The following GOLM2 variants were observed in gnomAD, a reference collection of about 807,000 sequenced individuals.
GOLM2 encodes the protein protein GOLM2.
In GOLM2, 26 loss-of-function variants were observed where a neutral mutation model predicts 55.9. The ratio of observed to expected loss-of-function variants is 0.47; its 90% CI spans 0.34 to 0.65. The LOEUF is 0.65. GOLM2 is among the 30% of genes least tolerant of loss of function. The pLI, the probability that GOLM2 is intolerant of heterozygous loss-of-function variation, is 0.01. For missense variants in GOLM2, 486 were observed against 531.8 expected (o/e 0.91, Z 0.85); for synonymous variants, 165 against 194.6 (o/e 0.85, Z 1.27).
intron 6 of GOLM2, among the ~76,000 whole-genome samples, chr15:44,359,946 C>G (rs2079225498): frequency 6.6e-6 from 1 of 151,424 alleles, no homozygotes; most frequent in African/African-American, 2.4e-5. Flanking sequence ...CATATCCAGC[C>G]AAACTAAGCT....
At position 44,413,942 on chromosome 15, in the gene GOLM2, C is replaced by T. The variant is rs1363404847; in HGVS notation, c.*536C>T. On this transcript the variant is annotated 3_prime_UTR_variant, in exon 10 of 10. Transcript: ENST00000299957. ...TTTCCTGCCTCAGCCTCCCAAGTAG[C>T]TGGGATTACAGGCACCCACCACCAT... 6.6e-6 allele frequency: 1 copy of T among 152,074 alleles called. No homozygotes were observed. Among genetic ancestry groups the T allele is most frequent in the East Asian group, 1.9e-4 (1 of 5,204 alleles). The allele number at this position is 152,074 out of a possible 1,614,324, so 9.4% of individuals were successfully genotyped here.
Position 44,342,357 on chromosome 15 carries a change from T to TC in GOLM2, c.802+4040_802+4041insC, listed in dbSNP as rs2079095756. ...ATGGCTCACTGCAGCCTTGACCTCC[T>TC]GGGCTCAAGTGGTACTCCCACATCG... is the stretch of plus-strand genomic sequence containing the variant. On this transcript the variant is annotated intron_variant, in intron 6 of 9. Transcript: ENST00000299957. Among the ~76,000 whole-genome samples, 12 of 152,048 alleles carry TC rather than the reference T, an allele frequency of 7.9e-5. No homozygotes were observed. In the South Asian group the frequency reaches 2.5e-3, roughly 32 times the overall value.
chr15:44,395,396 G>A (rs1389804629), intron 8 of GOLM2, among the ~76,000 whole-genome samples: 1 of 151,828 alleles, frequency 6.6e-6, no homozygotes, highest in Non-Finnish European at 1.5e-5. Context: ...ACTCATCTTG[G>A]TGTTTCCTTT....
At chr15:44,331,383 C>T (rs2079021352) in intron 3 of GOLM2, among the ~76,000 whole-genome samples, 1 of 152,168 alleles carries the variant, frequency 6.6e-6, no homozygotes. Flanking sequence ...TGTGTGTTAA[C>T]TGTTTCTTTT....
At chr15:44,410,080 G>A (rs2079627122) in intron 9 of GOLM2, among the ~76,000 whole-genome samples, 1 of 152,062 alleles carries the variant, frequency 6.6e-6, no homozygotes. Context: ...CATAAGGTGA[G>A]GTTCTATAAT....
chr15:44,340,367 C>T (rs2079083458), intron 6 of GOLM2, among the ~76,000 whole-genome samples: 1 of 151,988 alleles, frequency 6.6e-6, no homozygotes, highest in Non-Finnish European at 1.5e-5. Flanking sequence ...CTCCTAGGCT[C>T]AAGCCATCCT....
In GOLM2 at chr15:44,413,460, A is replaced by C. The variant is rs533671258; in HGVS notation, c.*54A>C. The C allele has an allele frequency of 7.7e-7, 1 of 1,299,430 alleles. No homozygotes were observed. Among genetic ancestry groups the C allele is most frequent in the African/African-American group, 1.5e-5 (1 of 67,972 alleles). The allele number at this position is 1,299,430 out of a possible 1,614,324, so 80.5% of individuals were successfully genotyped here. On this transcript the variant is annotated 3_prime_UTR_variant, in exon 10 of 10. Coordinates refer to ENST00000299957, the MANE Select transcript of GOLM2 (RefSeq NM_138423.4). ...AAGTGCTGTAAAATGAAATCATTCT[A>C]CTTTGTCCTTTCTGACTTTTGTTGT...
At chr15:44,322,366 A>G (rs1274997512) in intron 1 of GOLM2, among the ~76,000 whole-genome samples, 2 of 152,198 alleles carry the variant, frequency 1.3e-5, no homozygotes, top group Non-Finnish European at 2.9e-5. Context: ...GACTCAGTAT[A>G]AAAAAACAAA....
intron 1 of GOLM2, among the ~76,000 whole-genome samples, chr15:44,302,972 G>A (rs906980952): frequency 1.3e-5 from 2 of 151,994 alleles, no homozygotes; most frequent in Non-Finnish European, 1.5e-5. Context: ...GCGTAGTGGC[G>A]GACGCCTGTA....
chr15:44,313,212 C>T (rs1258427670), intron 1 of GOLM2, among the ~76,000 whole-genome samples: 2 of 152,144 alleles, frequency 1.3e-5, no homozygotes, highest in African/African-American at 2.4e-5. Context: ...TTGTGCCACT[C>T]ACTGCACTCC....
chr15:44,314,531 T>C (rs1331331047), intron 1 of GOLM2, among the ~76,000 whole-genome samples: 2 of 149,396 alleles, frequency 1.3e-5, no homozygotes, highest in African/African-American at 2.5e-5. Context: ...TGCATTCCAC[T>C]CTGGGCAATA....
At chr15:44,393,562 A>G (rs1208595481) in intron 8 of GOLM2, among the ~76,000 whole-genome samples, 1 of 152,202 alleles carries the variant, frequency 6.6e-6, no homozygotes, top group Non-Finnish European at 1.5e-5. Flanking sequence ...TAAAAGGAAT[A>G]AAGTGTAAAG....
chr15:44,408,347 G>A lies in GOLM2; in HGVS notation c.1241-4989G>A, dbSNP rs190924527. Among the ~76,000 whole-genome samples, 184 of 152,278 alleles carry A rather than the reference G, an allele frequency of 1.2e-3. 1 individual carries two copies. The highest frequency in any genetic ancestry group is 4.3e-3 in the African/African-American group (180 of 41,562). On this transcript the variant is annotated intron_variant, in intron 9 of 9. Coordinates refer to ENST00000299957, the MANE Select transcript of GOLM2 (RefSeq NM_138423.4). ...AGAAACTTGAATTCTGGGTAGAATA[G>A]CTACACTGAATATGAACTCCAGTTA...
intron 1 of GOLM2, among the ~76,000 whole-genome samples, chr15:44,297,455 C>G (rs997221093): frequency 6.6e-6 from 1 of 152,162 alleles, no homozygotes; most frequent in South Asian, 2.1e-4. Context: ...GCCTTCCCAC[C>G]TGCCTTTCTG....
chr15:44,343,568 G>GTAATC (rs1172778697), intron 6 of GOLM2, among the ~76,000 whole-genome samples: 1 of 152,012 alleles, frequency 6.6e-6, no homozygotes, highest in Non-Finnish European at 1.5e-5. Context: ...GCTCATACCT[G>GTAATC]TAATCCCAGC....
At chr15:44,342,394 G>T (rs1021288876) in intron 6 of GOLM2, among the ~76,000 whole-genome samples, 7 of 152,096 alleles carry the variant, frequency 4.6e-5, no homozygotes, top group African/African-American at 1.7e-4. Flanking sequence ...CTCCCGAGTA[G>T]CTGGGACTAC....
At chr15:44,337,684 C>T (rs933577940) in intron 4 of GOLM2, 79 bp from the exon 5 acceptor site, 2 of 1,039,088 alleles carry the variant, frequency 1.9e-6, no homozygotes, top group African/African-American at 3.3e-5. Flanking sequence ...TGAACTGTTT[C>T]AGAACATTTA....
At chr15:44,312,493 TTAAAA>T (rs1331995548) in intron 1 of GOLM2, among the ~76,000 whole-genome samples, 1 of 152,154 alleles carries the variant, frequency 6.6e-6, no homozygotes, top group Non-Finnish European at 1.5e-5. Context: ...TTCCTCTTTG[TTAAAA>T]TAAAAGAAGG....
At chr15:44,299,187 T>A (rs2078779298) in intron 1 of GOLM2, among the ~76,000 whole-genome samples, 1 of 152,198 alleles carries the variant, frequency 6.6e-6, no homozygotes, top group Non-Finnish European at 1.5e-5. Flanking sequence ...GACAATACAT[T>A]TCTGCTTTAT....
Sources: gnomAD v4.1 joint callset for allele counts (sites outside exome capture counted in the v4.1 genomes callset) on GRCh38, gnomAD v4.1.1 for gene constraint, MANE v1.5 for transcripts, NCBI Gene and HGNC (gene_info 2026-07-23, HGNC 2026-07-21) for gene names.